RELN: variants seen among roughly 807,000 people sequenced by gnomAD.
RELN encodes the protein reelin.
RELN carries 108 observed loss-of-function variants against 427.6 expected under a neutral mutation model. The ratio of observed to expected loss-of-function variants is 0.25; its 90% confidence interval spans 0.22 to 0.30. The LOEUF is 0.30. RELN is among the 10% of genes least tolerant of loss of function. The pLI, the probability that RELN is intolerant of heterozygous loss-of-function variation, is 1.00. For synonymous variants in RELN, 1,524 were observed against 1,513.4 expected (o/e 1.01, Z -0.16); for missense variants, 3,715 against 4,302.8 (o/e 0.86, Z 3.82).
rs74300479 is a variant in RELN, at chr7:103,769,200, T to C, written c.544+7357A>G. ...GAATCCATGCTGTGATTTGAATGTG[T>C]CCCCTCCAAAATTCAGGTGTTGCCA... On this transcript the variant is annotated intron_variant, in intron 4 of 64. Transcript: ENST00000428762. Among the ~76,000 whole-genome samples, 114 of 152,218 alleles carry C rather than the reference T, an allele frequency of 7.5e-4. 2 individuals carry two copies. In the East Asian group the frequency reaches 0.018, roughly 24 times the overall value.
At chr7:103,977,816 G>A (rs2116834966) in intron 1 of RELN, among the ~76,000 whole-genome samples, 1 of 152,244 alleles carries the variant, frequency 6.6e-6, no homozygotes. Flanking sequence ...TTCTGTTGCT[G>A]GCAAGCAGAG....
At chr7:103,932,150 T>C (rs1054564304) in intron 1 of RELN, among the ~76,000 whole-genome samples, 2 of 152,176 alleles carry the variant, frequency 1.3e-5, no homozygotes, top group African/African-American at 4.8e-5. Context: ...TGCCCATCAA[T>C]GGTAGAGTGG....
intron 2 of RELN, among the ~76,000 whole-genome samples, chr7:103,902,414 A>G (rs952560348): frequency 1.3e-5 from 2 of 152,066 alleles, no homozygotes; most frequent in Admixed American, 1.3e-4. Context: ...TTTACTTTTA[A>G]TTTGCTATTT....
intron 31 of RELN, 111 bp downstream of exon 31, chr7:103,572,073 G>T: frequency 1.4e-6 from 1 of 724,300 alleles, no homozygotes; most frequent in East Asian, 2.6e-5. Context: ...AGAAGAGAAG[G>T]AATGATTCAG....
At chr7:103,630,860 G>GTTTTTTTTT (rs1224190919) in intron 19 of RELN, among the ~76,000 whole-genome samples, 11 of 134,482 alleles carry the variant, frequency 8.2e-5, no homozygotes, top group Non-Finnish European at 1.7e-4. Flanking sequence ...TGTTTTTTTT[G>GTTTTTTTTT]TTTTTTTTTT....
chr7:103,980,513 T>C, intron 1 of RELN, among the ~76,000 whole-genome samples: 1 of 152,224 alleles, frequency 6.6e-6, no homozygotes, highest in Non-Finnish European at 1.5e-5. Flanking sequence ...TTATTTTCCT[T>C]TTCTGAAATA....
intron 20 of RELN, among the ~76,000 whole-genome samples, chr7:103,614,911 C>G (rs775663481): frequency 6.6e-6 from 1 of 152,254 alleles, no homozygotes; most frequent in African/African-American, 2.4e-5. Context: ...GGCAGTGATA[C>G]TGGGTCTGTT....
intron 6 of RELN, among the ~76,000 whole-genome samples, chr7:103,745,373 T>C (rs993071682): frequency 9.9e-5 from 15 of 151,858 alleles, no homozygotes; most frequent in African/African-American, 3.6e-4. Context: ...GGAAGCCCTC[T>C]CTCACCACTC....
chr7:103,856,181 C>T (rs965867135), intron 2 of RELN, among the ~76,000 whole-genome samples: 6 of 152,106 alleles, frequency 3.9e-5, no homozygotes, highest in Non-Finnish European at 7.4e-5. Flanking sequence ...ACCATTCAAA[C>T]TTGCCTAAAA....
chr7:103,651,562 A>T, intron 15 of RELN, 99 bp downstream of exon 15: 2 of 1,175,912 alleles, frequency 1.7e-6, no homozygotes, highest in South Asian at 1.2e-5. Context: ...TAGGTTTCTT[A>T]CCTATTATGA....
intron 2 of RELN, among the ~76,000 whole-genome samples, chr7:103,856,856 T>C (rs1397503591): frequency 6.6e-6 from 1 of 152,010 alleles, no homozygotes; most frequent in African/African-American, 2.4e-5. Context: ...TGTCGATTTA[T>C]GTACTTTTAA....
intron 7 of RELN, among the ~76,000 whole-genome samples, chr7:103,726,413 C>T (rs1790213435): frequency 6.6e-6 from 1 of 152,040 alleles, no homozygotes; most frequent in African/African-American, 2.4e-5. Context: ...TTTCTTATTT[C>T]CCAAATGAAC....
chr7:103,528,509 T>C (rs1829871931), intron 46 of RELN, among the ~76,000 whole-genome samples: 2 of 151,354 alleles, frequency 1.3e-5, no homozygotes, highest in Admixed American at 1.3e-4. Context: ...TAGTAATGAC[T>C]AAAAAACATT....
At chr7:103,589,546 G>T in intron 28 of RELN, 50 bp downstream of exon 28, 1 of 1,189,264 alleles carries the variant, frequency 8.4e-7, no homozygotes, top group Non-Finnish European at 1.3e-6. Flanking sequence ...ATAGCATTTG[G>T]GACTGTGTCT....
At chr7:103,741,016 G>A (rs1240696851) in intron 6 of RELN, among the ~76,000 whole-genome samples, 1 of 152,160 alleles carries the variant, frequency 6.6e-6, no homozygotes, top group Non-Finnish European at 1.5e-5. Context: ...GACCATGTTT[G>A]CCACAAGGAT....
At position 103,979,890 on chromosome 7, in the gene RELN, G is replaced by A. The variant is rs191632848; in HGVS notation, c.226+9241C>T. On this transcript the variant is annotated intron_variant, in intron 1 of 64. Transcript: ENST00000428762. ...TACTTAAAATTTTTTGGCCAGGCGC[G>A]ATGGCTCACACCTGTAATCCCAGCA... Among the ~76,000 whole-genome samples, 13 of 152,224 alleles carry A rather than the reference G, an allele frequency of 8.5e-5. No individual in the cohort carries two copies. In the East Asian group the frequency reaches 2.5e-3, roughly 29 times the overall value.
At chr7:103,624,717 C>T (rs898053234) in intron 20 of RELN, among the ~76,000 whole-genome samples, 1 of 152,232 alleles carries the variant, frequency 6.6e-6, no homozygotes, top group Non-Finnish European at 1.5e-5. Flanking sequence ...GCCACCGTGC[C>T]TGGCCTCCTC....
intron 2 of RELN, among the ~76,000 whole-genome samples, chr7:103,857,323 C>T (rs573079004): frequency 1.7e-4 from 26 of 152,280 alleles, no homozygotes; most frequent in Non-Finnish European, 1.9e-4. Context: ...AGCACCATAG[C>T]AGTATTGTGA....
rs1345057447 is a variant in RELN at position 103,817,099 on chromosome 7, G to A, written c.473+16438C>T. ...ACTCCTGACCTCAAGTGATCCGCCC[G>A]CTTTGGCCTCCCAAAGTGCTGGGAT... On this transcript the variant is annotated intron_variant, in intron 3 of 64. Coordinates refer to ENST00000428762, the MANE Select transcript of RELN (RefSeq NM_005045.4). Among the ~76,000 whole-genome samples the A allele has an allele frequency of 1.1e-4, 16 of 152,098 alleles. No individual in the cohort carries two copies. In the East Asian group the frequency reaches 1.7e-3, roughly 17 times the overall value.
Sources: allele counts gnomAD v4.1 joint callset (sites outside exome capture counted in the v4.1 genomes callset), GRCh38; gene constraint gnomAD v4.1.1; transcripts MANE v1.5; gene names NCBI Gene and HGNC (gene_info 2026-07-23, HGNC 2026-07-21).